The following LDLRAD4 variants were observed in gnomAD, a reference collection of about 807,000 sequenced individuals.
LDLRAD4 encodes the protein low-density lipoprotein receptor class A domain-containing protein 4.
A neutral mutation model predicts 17.0 loss-of-function variants in LDLRAD4; 5 were observed. The observed-to-expected ratio is 0.29, with a 90% CI of 0.15 to 0.62. The LOEUF (loss-of-function observed/expected upper bound fraction) is 0.62, where lower values mean the gene tolerates loss of function less well. Among genes scored for constraint, LDLRAD4 ranks in the 20% least tolerant of loss-of-function variants. The pLI is 0.84. For missense variants in LDLRAD4, 340 were observed against 424.7 expected (o/e 0.80, Z 1.75); for synonymous variants, 168 against 171.8 (o/e 0.98, Z 0.17).
intron 1 of LDLRAD4, among the ~76,000 whole-genome samples, chr18:13,342,477 CTTTTTTTTTTTTTTT>C (rs10706515): frequency 5.2e-5 from 2 of 38,668 alleles, no homozygotes; most frequent in Admixed American, 3.4e-4. Flanking sequence ...GCCTTCCTGT[CTTTTTTTTTTTTTTT>C]TTTTTTTTTT....
chr18:13,473,591 C>T (rs961321708), intron 3 of LDLRAD4, among the ~76,000 whole-genome samples: 4 of 132,182 alleles, frequency 3.0e-5, no homozygotes, highest in South Asian at 2.5e-4. Flanking sequence ...GAGCTATGAT[C>T]GTGTCACTAC....
intron 1 of LDLRAD4, among the ~76,000 whole-genome samples, chr18:13,350,527 G>C (rs931859828): frequency 2.6e-5 from 4 of 152,106 alleles, no homozygotes; most frequent in African/African-American, 7.2e-5. Flanking sequence ...GTTCCTTGTA[G>C]ATTCTGGATA....
At chr18:13,399,475 A>C (rs1026470735) in intron 2 of LDLRAD4, among the ~76,000 whole-genome samples, 2 of 152,126 alleles carry the variant, frequency 1.3e-5, no homozygotes, top group Non-Finnish European at 2.9e-5. Context: ...AGCCAGACAC[A>C]TGTGTAAACA....
intron 1 of LDLRAD4, among the ~76,000 whole-genome samples, chr18:13,379,577 C>T (rs952951447): frequency 2.0e-5 from 3 of 152,226 alleles, no homozygotes; most frequent in Non-Finnish European, 2.9e-5. Context: ...CTCCCCAGCT[C>T]CTAAAATAGT....
At chr18:13,646,029 T>TTA (rs2043003464) in exon 6 of LDLRAD4, 1 of 173,702 alleles carries the variant, frequency 5.8e-6, no homozygotes, top group Non-Finnish European at 1.2e-5. Context: ...ATGGCATGTT[T>TTA]TATAATTAAC....
At chr18:13,522,730 G>C (rs1460994306) in intron 3 of LDLRAD4, 1 of 152,112 alleles carries the variant, frequency 6.6e-6, no homozygotes, top group African/African-American at 2.4e-5. Flanking sequence ...TAAGCCGAAT[G>C]TGTTTTCTAC....
intron 3 of LDLRAD4, among the ~76,000 whole-genome samples, chr18:13,582,114 C>A (rs1482376946): frequency 6.6e-6 from 1 of 152,164 alleles, no homozygotes; most frequent in East Asian, 1.9e-4. Flanking sequence ...CATTACCCCA[C>A]CCAGCATCAA....
chr18:13,391,238 C>A (rs1240403924), intron 2 of LDLRAD4, among the ~76,000 whole-genome samples: 1 of 152,138 alleles, frequency 6.6e-6, no homozygotes, highest in African/African-American at 2.4e-5. Flanking sequence ...ACTTTATGTT[C>A]CAATTCTCTT....
chr18:13,405,156 A>G (rs1002505776), intron 2 of LDLRAD4, among the ~76,000 whole-genome samples: 2 of 151,936 alleles, frequency 1.3e-5, no homozygotes, highest in African/African-American at 2.4e-5. Context: ...TAATATTATT[A>G]GTTAGCATTT....
At chr18:13,633,761 G>A (rs972526660) in intron 4 of LDLRAD4, among the ~76,000 whole-genome samples, 3 of 152,186 alleles carry the variant, frequency 2.0e-5, no homozygotes, top group Non-Finnish European at 4.4e-5. Flanking sequence ...AGGGGACTTC[G>A]CTAGGACCCT....
chr18:13,570,029 T>A (rs961890513), intron 3 of LDLRAD4, among the ~76,000 whole-genome samples: 1 of 152,054 alleles, frequency 6.6e-6, no homozygotes, highest in East Asian at 1.9e-4. Flanking sequence ...GCTTAGAAAG[T>A]GTTTTGGGGG....
intron 3 of LDLRAD4, among the ~76,000 whole-genome samples, chr18:13,550,896 C>G (rs1310018318): frequency 6.6e-6 from 1 of 152,074 alleles, no homozygotes; most frequent in East Asian, 1.9e-4. Context: ...CCTTGGGCCC[C>G]CTCCTATGAG....
intron 3 of LDLRAD4, among the ~76,000 whole-genome samples, chr18:13,507,335 G>A (rs2093710636): frequency 6.6e-6 from 1 of 151,994 alleles, no homozygotes; most frequent in South Asian, 2.1e-4. Flanking sequence ...ACTTCCCCGC[G>A]AAGTCCCCAT....
intron 3 of LDLRAD4, among the ~76,000 whole-genome samples, chr18:13,556,013 A>G (rs1280086040): frequency 6.6e-6 from 1 of 152,192 alleles, no homozygotes; most frequent in Non-Finnish European, 1.5e-5. Context: ...CCCAGATGGT[A>G]GTTTTGGAAT....
intron 1 of LDLRAD4, among the ~76,000 whole-genome samples, chr18:13,249,595 CTT>C (rs202121257): frequency 2.1e-5 from 3 of 143,886 alleles, no homozygotes; most frequent in African/African-American, 2.5e-5. Flanking sequence ...AAAATTAGAT[CTT>C]TTTTTTTTTT....
At chr18:13,405,454 A>G (rs1435405961) in intron 2 of LDLRAD4, among the ~76,000 whole-genome samples, 1 of 151,894 alleles carries the variant, frequency 6.6e-6, no homozygotes, top group African/African-American at 2.4e-5. Context: ...GCGGGGTCTC[A>G]CTCTGTCATC....
intron 1 of LDLRAD4, among the ~76,000 whole-genome samples, chr18:13,303,419 T>G (rs115656069): frequency 3.9e-4 from 60 of 152,262 alleles, no homozygotes; most frequent in African/African-American, 1.4e-3. Context: ...TAGTTTTTTT[T>G]GTCTTTCTTC....
At chr18:13,242,254 ATTTCAAGT>A (rs559708999) in intron 1 of LDLRAD4, among the ~76,000 whole-genome samples, 3 of 152,254 alleles carry the variant, frequency 2.0e-5, no homozygotes, top group Non-Finnish European at 4.4e-5. Flanking sequence ...GGATTCCAGT[ATTTCAAGT>A]TTTACCCGGT....
intron 1 of LDLRAD4, among the ~76,000 whole-genome samples, chr18:13,272,544 C>T (rs186690241): frequency 3.7e-4 from 56 of 152,374 alleles, no homozygotes; most frequent in African/African-American, 1.2e-3. Context: ...GCCTCTGTCT[C>T]GCTCCTCCTG....
Sources: allele counts gnomAD v4.1 joint callset (sites outside exome capture counted in the v4.1 genomes callset), GRCh38; gene constraint gnomAD v4.1.1; transcripts MANE v1.5; gene names NCBI Gene and HGNC (gene_info 2026-07-23, HGNC 2026-07-21).